Variants in ASMTL observed in about 807,000 individuals in gnomAD.
ASMTL encodes the protein probable bifunctional dTTP/UTP pyrophosphatase/methyltransferase protein.
Under a neutral mutation model 60.3 loss-of-function variants are expected in ASMTL, and 57 were observed. That is an observed-to-expected ratio of 0.95 (90% confidence interval 0.76 to 1.18). ASMTL has a LOEUF of 1.18. Ranked by LOEUF, ASMTL falls within the 50% of genes most tolerant of loss-of-function variation. The pLI, the probability that ASMTL is intolerant of heterozygous loss-of-function variation, is 0.00. For synonymous variants in ASMTL, 419 were observed against 373.0 expected, an observed-to-expected ratio of 1.12 and a Z score of -1.42; for missense variants, 981 against 852.6, an observed-to-expected ratio of 1.15 and a Z score of -1.88.
intron 9 of ASMTL, among the ~76,000 whole-genome samples, chrX:1,420,471 A>C (rs1330700324): frequency 1.8e-4 from 27 of 151,770 alleles, no homozygotes; most frequent in African/African-American, 6.1e-4. Context: ...ACACACACAC[A>C]CCCTGACTCC....
intron 12 of ASMTL, among the ~76,000 whole-genome samples, chrX:1,406,874 A>ATGGATGGG (rs1343563935): frequency 6.6e-6 from 1 of 150,864 alleles, no homozygotes; most frequent in East Asian, 2.0e-4. Context: ...GAACAGATGG[A>ATGGATGGG]TGGATGGGTG....
rs759088227 is a variant in ASMTL, at chrX:1,419,098, C to T, written c.1262G>A (p.Ser421Asn). Residue 421 changes from serine (S) to asparagine (N), a missense_variant, in exon 10 of 13, where the codon AGC becomes AAC. Physicochemically the swap from Ser to Asn is conservative, Grantham distance 46. Coordinates refer to ENST00000381317, the MANE Select transcript of ASMTL (RefSeq NM_004192.4). ...EDLFQDAYYQSPETRLRFMRA... is the reference protein window; with the variant it reads ...EDLFQDAYYQNPETRLRFMRA... ...CATGAACCTCAGCCGCGTCTCCGGG[C>T]TCTGGTAGTACGCATCCTGGAACAC... The T allele has an allele frequency of 6.2e-7, 1 of 1,611,310 alleles. No individual in the cohort carries two copies.
chrX:1,403,699 AAGATGGATGGAT>A (rs1167625710), intron 12 of ASMTL: 11 of 601,958 alleles, frequency 1.8e-5, no homozygotes, highest in East Asian at 2.8e-5. Context: ...ATTTGATCGA[AAGATGGATGGAT>A]AGATGGATGC....
At position 1,439,254 on chromosome X, in the gene ASMTL, A is replaced by C; in HGVS notation, c.226-110T>G. 2.7e-6 allele frequency: 3 copies of C among 1,127,596 alleles called. No homozygotes were observed. In the Admixed American group the frequency reaches 6.1e-5, roughly 23 times the overall value. The allele number at this position is 1,127,596 out of a possible 1,614,324, so 69.8% of individuals were successfully genotyped here. ...GCACCGCAGGGGCGAAGCCAGGCCG[A>C]CTTTGGAAGTGAAGGCTGGGGGTGC... is the stretch of plus-strand genomic sequence containing the variant. On this transcript the variant is annotated intron_variant, in intron 2 of 12. Coordinates refer to ENST00000381317, the MANE Select transcript of ASMTL (RefSeq NM_004192.4).
intron 12 of ASMTL, among the ~76,000 whole-genome samples, chrX:1,406,106 A>G (rs868416728): frequency 4.3e-4 from 46 of 107,694 alleles, no homozygotes; most frequent in Non-Finnish European, 7.5e-4. Context: ...ATAAATGGGT[A>G]GGTAGGTAGG....
At chrX:1,434,317 G>A (rs1307953760) in intron 5 of ASMTL, among the ~76,000 whole-genome samples, 8 of 151,488 alleles carry the variant, frequency 5.3e-5, no homozygotes, top group Admixed American at 2.0e-4. Context: ...TAGCAAGACC[G>A]CACCTCTATA....
At position 1,425,616 on chromosome X, in the gene ASMTL, A is replaced by G; in HGVS notation, c.969T>C (p.Asp323=). The G allele has an allele frequency of 1.2e-6, 2 of 1,613,834 alleles. No individual in the cohort carries two copies. The highest frequency in any genetic ancestry group is 1.3e-5 in the African/African-American group (1 of 75,062). ...LKDEAPQKAA[D]IASKVDASAC... ...CAGAGGCGTCCACTTTGCTGGCAATATCCGCAGCCTTCTGGGGTGCTTCAT... is the reference window on the plus strand; with the variant it reads ...CAGAGGCGTCCACTTTGCTGGCAATGTCCGCAGCCTTCTGGGGTGCTTCAT... The change falls in exon 8 of 13, where the codon GAT becomes GAC. Residue 323 remains aspartate (D), a synonymous_variant. Transcript: ENST00000381317.
rs185011578 is a variant in ASMTL at position 1,435,806 on chromosome X, G to A, written c.274-48C>T. On this transcript the variant is annotated intron_variant, in intron 3 of 12. Coordinates refer to ENST00000381317, the MANE Select transcript of ASMTL (RefSeq NM_004192.4). Reference sequence around the variant, plus strand: ...GAGTTGGTTCCCACCGGCTGGGTCAGGCCTGTGCAAGTCCCACGGTCCCAT... The same window carrying A: ...GAGTTGGTTCCCACCGGCTGGGTCAAGCCTGTGCAAGTCCCACGGTCCCAT... 4 of 1,539,278 alleles carry A rather than the reference G, an allele frequency of 2.6e-6. No individual in the cohort carries two copies. The South Asian group carries it at 4.5e-5, about 17-fold the overall frequency.
At chrX:1,411,801 A>ATTT (rs2090034341) in intron 12 of ASMTL, among the ~76,000 whole-genome samples, 1 of 92,382 alleles carries the variant, frequency 1.1e-5, no homozygotes. Flanking sequence ...TCTCTTTAGG[A>ATTT]TTTTCTTTTT....
intron 6 of ASMTL, among the ~76,000 whole-genome samples, chrX:1,431,108 T>C (rs2090764141): frequency 2.3e-5 from 3 of 129,446 alleles, no homozygotes; most frequent in East Asian, 2.1e-4. Context: ...TATATAATTA[T>C]ATTTTATAAT....
chrX:1,408,072 A>G (rs186816035), intron 12 of ASMTL, among the ~76,000 whole-genome samples: 2,053 of 151,290 alleles, frequency 0.014, 63 homozygotes, highest in African/African-American at 0.048. Context: ...ATGATAACAA[A>G]TGCTGGTACT....
rs1229614313 is a variant in ASMTL at position 1,433,387 on chromosome X, C to T, written c.401-1010G>A. The stretch of plus-strand genomic sequence containing the variant: ...GCCTTTTAAGAGACCCAGAAGGGAC[C>T]GCGCGCGGTGGCTCACGCCTGTCAT... On this transcript the variant is annotated intron_variant, in intron 5 of 12. Transcript: ENST00000381317. Among the ~76,000 whole-genome samples, 19 of 146,470 alleles carry T rather than the reference C, an allele frequency of 1.3e-4. No individual in the cohort carries two copies. In the South Asian group the frequency reaches 1.7e-3, roughly 13 times the overall value.
intron 9 of ASMTL, 52 bp from the exon 10 acceptor site, chrX:1,419,166 G>C (rs369482034): frequency 1.3e-6 from 2 of 1,592,664 alleles, no homozygotes; most frequent in South Asian, 1.1e-5. Flanking sequence ...GCGAGGGCTC[G>C]CCCAGCCTCT....
rs771456500 is a variant in ASMTL, at chrX:1,428,108, C to T, written c.523G>A (p.Gly175Ser). 2.1e-5 allele frequency: 34 copies of T among 1,604,192 alleles called. No individual in the cohort carries two copies. Among genetic ancestry groups the T allele is most frequent in the Admixed American group, 6.7e-5 (4 of 59,774 alleles). Residue 175 changes from glycine (G) to serine (S), a missense_variant, in exon 7 of 13, where the codon GGC (glycine) becomes AGC (serine). Physicochemically the swap from Gly to Ser is moderately conservative, Grantham distance 56. Transcript: ENST00000381317. ...HSGEPMDKAG[G>S]YGIQALGGML... The stretch of plus-strand genomic sequence containing the variant: ...CCGCCCAGGGCCTGGATCCCGTAGC[C>T]GCCAGCTTTGTCCCTGGGTGGGCAG...
chrX:1,415,744 G>T (rs1349680214), intron 11 of ASMTL, among the ~76,000 whole-genome samples: 1 of 152,342 alleles, frequency 6.6e-6, no homozygotes, highest in South Asian at 2.1e-4. Context: ...GGGATTACAG[G>T]CGTGAGCTAC....
chrX:1,440,379 T>C (rs112111637), intron 2 of ASMTL, among the ~76,000 whole-genome samples: 3,351 of 152,218 alleles, frequency 0.022, 67 homozygotes, highest in African/African-American at 0.049. Context: ...TGTGAGCCAC[T>C]GCACCCGGCC....
chrX:1,432,319 C>A lies in ASMTL; in HGVS notation c.459G>T (p.Ser153=), dbSNP rs182623247. ...EFYEETKVKF[S]ELSEELLWEY... is the part of the protein sequence containing the mutation. ...CCCAGAGCAGCTCCTCGGACAGCTCCGAGAACTTCACCTTCGTTTCCTCGT... is the reference window on the plus strand; with the variant it reads ...CCCAGAGCAGCTCCTCGGACAGCTCAGAGAACTTCACCTTCGTTTCCTCGT... Residue 153 remains serine, a synonymous_variant, in exon 6 of 13, where the codon TCG becomes TCT. Transcript: ENST00000381317. The A allele has an allele frequency of 5.1e-5, 82 of 1,613,192 alleles. No individual in the cohort carries two copies. Among genetic ancestry groups the A allele is most frequent in the Non-Finnish European group, 7.0e-5 (82 of 1,179,770 alleles).
At chrX:1,418,246 A>G in intron 10 of ASMTL, 130 bp from the exon 11 acceptor site, 1 of 1,053,056 alleles carries the variant, frequency 9.5e-7, no homozygotes, top group Non-Finnish European at 1.4e-6. Context: ...AGGGAAAGCC[A>G]GTGGTGGGGA....
chrX:1,418,102 G>A lies in ASMTL; in HGVS notation c.1393C>T (p.Leu465=). 6.2e-7 allele frequency: 1 copy of A among 1,606,056 alleles called. No individual in the cohort carries two copies. The highest frequency in any genetic ancestry group is 8.5e-7 in the Non-Finnish European group (1 of 1,174,876). Residue 465 remains leucine (L), a synonymous_variant, in exon 11 of 13, where the codon CTG becomes TTG. Transcript: ENST00000381317. ...ACDVGGCTGA[L]ARELAREYPR... ...TACTCACGGGCCAGCTCTCGGGCCA[G>A]TGCACCCGTGCAGCCTGCGGGGAAG...
Sources: allele counts gnomAD v4.1 joint callset (sites outside exome capture counted in the v4.1 genomes callset), GRCh38; gene constraint gnomAD v4.1.1; transcripts MANE v1.5; gene names NCBI Gene and HGNC (gene_info 2026-07-23, HGNC 2026-07-21).